Variants in RORB observed in about 807,000 individuals in gnomAD.
RORB encodes nuclear receptor ROR-beta.
In RORB, 6 loss-of-function variants were observed where a neutral mutation model predicts 59.1. The observed-to-expected ratio is 0.10, with a 90% CI of 0.06 to 0.20. RORB has a LOEUF of 0.20. Ranked by LOEUF, RORB falls within the 10% of genes least tolerant of loss-of-function variation. The probability of loss-of-function intolerance (pLI) is 1.00; values close to 1 mark genes in which losing one functional copy is unlikely to be tolerated. For synonymous variants in RORB, 215 were observed against 204.5 expected, an observed-to-expected ratio of 1.05 and a Z score of -0.44; for missense variants, 320 against 560.5, an observed-to-expected ratio of 0.57 and a Z score of 4.33.
Position 74,588,249 on chromosome 9 carries a change from C to T in RORB, c.8-42033C>T, listed in dbSNP as rs747463545. Among the ~76,000 whole-genome samples the T allele has an allele frequency of 7.9e-5, 12 of 152,230 alleles. No individual in the cohort carries two copies. The South Asian group carries it at 8.3e-4, about 11-fold the overall frequency. ...CACTCTCAGTGAGACTCAATTTCCT[C>T]GCCTGGAAATTGAAGGATTTGGGCT... On this transcript the variant is annotated intron_variant, in intron 1 of 9. Coordinates refer to ENST00000376896, the MANE Select transcript of RORB (RefSeq NM_006914.4).
chr9:74,565,906 T>A (rs1422477042), intron 1 of RORB, among the ~76,000 whole-genome samples: 1 of 152,192 alleles, frequency 6.6e-6, no homozygotes, highest in Non-Finnish European at 1.5e-5. Flanking sequence ...CTTCCCTGAT[T>A]AATGACAAGT....
intron 9 of RORB, among the ~76,000 whole-genome samples, chr9:74,674,920 A>G (rs1824411107): frequency 6.6e-6 from 1 of 152,218 alleles, no homozygotes. Context: ...GTACCATATG[A>G]CTAAAGATAT....
rs546085704 is a variant in RORB, at chr9:74,634,096, A to C, written c.94-535A>C. ...AAAAAGTTAAAAAAAAAAAAAAGAC[A>C]CTTTTCAGCTGCATTCGAGCCAAAT... On this transcript the variant is annotated intron_variant, in intron 2 of 9. Transcript: ENST00000376896. 5.3e-5 allele frequency among the ~76,000 whole-genome samples: 8 copies of C among 150,670 alleles called. No homozygotes were observed. In the East Asian group the frequency reaches 1.6e-3, roughly 29 times the overall value.
At position 74,685,519 on chromosome 9, in the gene RORB, G is replaced by A. The variant is rs765047214; in HGVS notation, c.1281G>A (p.Leu427=). ...TAVCNLHGEK[L]QVFKQSHPEI... ...TTTGCAACTTGCACGGGGAGAAGCT[G>A]CAGGTATTTAAGCAATCTCATCCAG... Residue 427 remains leucine, a synonymous_variant, in exon 10 of 10, where the codon CTG becomes CTA. Coordinates refer to ENST00000376896, the MANE Select transcript of RORB (RefSeq NM_006914.4). 1.9e-6 allele frequency: 3 copies of A among 1,613,494 alleles called. No homozygotes were observed. Among genetic ancestry groups the A allele is most frequent in the East Asian group, 4.5e-5 (2 of 44,876 alleles).
chr9:74,499,876 C>T (rs1273722493), intron 1 of RORB, among the ~76,000 whole-genome samples: 2 of 152,134 alleles, frequency 1.3e-5, no homozygotes, highest in African/African-American at 4.8e-5. Context: ...TCAGCTCGGA[C>T]CCAGCACTAG....
intron 1 of RORB, among the ~76,000 whole-genome samples, chr9:74,513,525 G>A (rs1031015173): frequency 1.3e-5 from 2 of 151,850 alleles, no homozygotes. Context: ...CAATCTAGAA[G>A]GAATTTTAAC....
chr9:74,635,956 C>CAAAAAAAAAAA (rs11364568), intron 3 of RORB, among the ~76,000 whole-genome samples: 1 of 131,652 alleles, frequency 7.6e-6, no homozygotes, highest in Non-Finnish European at 1.6e-5. Context: ...CAAATTTGAC[C>CAAAAAAAAAAA]AAAAAAAAAA....
chr9:74,538,583 A>T (rs1369178308), intron 1 of RORB, among the ~76,000 whole-genome samples: 1 of 152,132 alleles, frequency 6.6e-6, no homozygotes, highest in African/African-American at 2.4e-5. Flanking sequence ...GTTATTATTT[A>T]TTAGCAATTA....
chr9:74,503,032 A>C (rs1249384627), intron 1 of RORB, among the ~76,000 whole-genome samples: 2 of 152,070 alleles, frequency 1.3e-5, no homozygotes, highest in Non-Finnish European at 2.9e-5. Flanking sequence ...ATATATAGAA[A>C]AGTAAATATT....
At chr9:74,669,820 T>C (rs1824321188) in intron 8 of RORB, among the ~76,000 whole-genome samples, 1 of 152,242 alleles carries the variant, frequency 6.6e-6, no homozygotes. Context: ...TTACCTGTGA[T>C]GTAAGGTAAC....
chr9:74,618,210 G>C (rs758627507), intron 1 of RORB, among the ~76,000 whole-genome samples: 1 of 152,008 alleles, frequency 6.6e-6, no homozygotes, highest in Admixed American at 6.6e-5. Flanking sequence ...TAAGTATTTG[G>C]GGCATCAGTG....
intron 9 of RORB, among the ~76,000 whole-genome samples, chr9:74,672,749 G>T (rs879403420): frequency 6.6e-6 from 1 of 152,080 alleles, no homozygotes; most frequent in South Asian, 2.1e-4. Context: ...CAGAATTATC[G>T]TAGATTTTAA....
chr9:74,632,447 A>C (rs1823635628), intron 2 of RORB, among the ~76,000 whole-genome samples: 1 of 152,178 alleles, frequency 6.6e-6, no homozygotes, highest in Non-Finnish European at 1.5e-5. Flanking sequence ...ATTCAGTATC[A>C]ACCTCTGAGT....
intron 4 of RORB, among the ~76,000 whole-genome samples, chr9:74,654,201 T>C (rs1824041036): frequency 6.6e-6 from 1 of 152,208 alleles, no homozygotes; most frequent in Non-Finnish European, 1.5e-5. Context: ...ATAAACCTTA[T>C]CACGCACATC....
intron 1 of RORB, chr9:74,498,204 C>CT: frequency 3.3e-6 from 2 of 604,280 alleles, no homozygotes; most frequent in African/African-American, 1.8e-5. Context: ...CGGGAGGGCG[C>CT]TTTTTTGGAG....
chr9:74,631,116 G>A (rs1823610928), intron 2 of RORB, among the ~76,000 whole-genome samples: 1 of 152,190 alleles, frequency 6.6e-6, no homozygotes, highest in East Asian at 1.9e-4. Context: ...TGAGCAAGCT[G>A]CTTTCTTAAA....
intron 5 of RORB, among the ~76,000 whole-genome samples, chr9:74,661,431 A>G (rs1824178149): frequency 6.6e-6 from 1 of 152,124 alleles, no homozygotes; most frequent in South Asian, 2.1e-4. Flanking sequence ...CCACCAGAAC[A>G]ACTAAATCTC....
intron 1 of RORB, among the ~76,000 whole-genome samples, chr9:74,568,528 C>A (rs999641091): frequency 7.9e-5 from 12 of 151,686 alleles, no homozygotes; most frequent in African/African-American, 2.9e-4. Context: ...GGTGAAACCC[C>A]GTCTCTACTA....
At chr9:74,602,496 G>A (rs1301220157) in intron 1 of RORB, among the ~76,000 whole-genome samples, 2 of 152,232 alleles carry the variant, frequency 1.3e-5, no homozygotes, top group Non-Finnish European at 2.9e-5. Flanking sequence ...GTTTAATGCA[G>A]TGTTTGATTC....
Sources: gnomAD v4.1 joint callset for allele counts (sites outside exome capture counted in the v4.1 genomes callset) on GRCh38, gnomAD v4.1.1 for gene constraint, MANE v1.5 for transcripts, NCBI Gene and HGNC (gene_info 2026-07-23, HGNC 2026-07-21) for gene names.